PSD3: variants seen among roughly 807,000 people sequenced by gnomAD.
PSD3 encodes the protein pleckstrin and Sec7 domain containing 3.
In PSD3, 49 loss-of-function variants were observed where a neutral mutation model predicts 105.5. That is an observed-to-expected ratio of 0.46 (90% CI 0.37 to 0.59). The LOEUF (loss-of-function observed/expected upper bound fraction) is 0.59, where lower values mean the gene tolerates loss of function less well. Among genes scored for constraint, PSD3 ranks in the 20% least tolerant of loss-of-function variants. The pLI is 0.00. For synonymous variants in PSD3, 557 were observed against 457.8 expected (o/e 1.22, Z -2.77); for missense variants, 1,561 against 1,263.8 (o/e 1.24, Z -3.57).
chr8:18,785,548 G>T (rs943076143), intron 8 of PSD3, among the ~76,000 whole-genome samples: 1 of 152,172 alleles, frequency 6.6e-6, no homozygotes, highest in Non-Finnish European at 1.5e-5. Context: ...AACTTGCTCT[G>T]TATCAGTAAT....
At chr8:18,860,481 T>A (rs1055011069) in intron 4 of PSD3, among the ~76,000 whole-genome samples, 4 of 151,986 alleles carry the variant, frequency 2.6e-5, no homozygotes, top group African/African-American at 9.7e-5. Flanking sequence ...CAGAGTATCT[T>A]CAAAGAGCAA....
At chr8:18,917,754 A>T (rs1820719289) in intron 2 of PSD3, among the ~76,000 whole-genome samples, 2 of 152,162 alleles carry the variant, frequency 1.3e-5, no homozygotes, top group Admixed American at 1.3e-4. Flanking sequence ...AAGCAAACAC[A>T]TCAGAAGATG....
intron 9 of PSD3, among the ~76,000 whole-genome samples, chr8:18,697,559 A>C (rs1040800726): frequency 6.6e-6 from 1 of 152,218 alleles, no homozygotes; most frequent in South Asian, 2.1e-4. Flanking sequence ...GGAACATTTT[A>C]TATTCTAGAA....
chr8:18,997,009 G>A (rs574700046), intron 1 of PSD3, among the ~76,000 whole-genome samples: 1 of 151,852 alleles, frequency 6.6e-6, no homozygotes, highest in South Asian at 2.1e-4. Flanking sequence ...CCCCTCATTC[G>A]CTGCTTTCCT....
At chr8:18,882,945 C>T (rs1397304033) in intron 2 of PSD3, among the ~76,000 whole-genome samples, 1 of 151,968 alleles carries the variant, frequency 6.6e-6, no homozygotes, top group African/African-American at 2.4e-5. Flanking sequence ...ATTTCTGTAT[C>T]TGTCTATACA....
chr8:18,883,156 C>T (rs947229221), intron 2 of PSD3, among the ~76,000 whole-genome samples: 6 of 152,104 alleles, frequency 3.9e-5, no homozygotes, highest in Non-Finnish European at 8.8e-5. Flanking sequence ...TTTGTATACA[C>T]GTTACAGGAT....
chr8:18,885,196 C>T (rs541838295), intron 2 of PSD3, among the ~76,000 whole-genome samples: 6 of 152,262 alleles, frequency 3.9e-5, no homozygotes, highest in South Asian at 4.1e-4. Flanking sequence ...TTCATCCATT[C>T]TGTCCACTTT....
chr8:19,052,952 C>T (rs926531199), intron 1 of PSD3, among the ~76,000 whole-genome samples: 1 of 152,124 alleles, frequency 6.6e-6, no homozygotes, highest in Admixed American at 6.5e-5. Context: ...CTGACAATGA[C>T]AAATTCCCCA....
chr8:18,773,944 C>T (rs1039430181), intron 8 of PSD3, among the ~76,000 whole-genome samples: 1 of 152,150 alleles, frequency 6.6e-6, no homozygotes, highest in African/African-American at 2.4e-5. Flanking sequence ...TTCACTTGAA[C>T]TTATTTTGTT....
chr8:18,621,028 T>A (rs1806076026), intron 11 of PSD3, among the ~76,000 whole-genome samples: 1 of 152,214 alleles, frequency 6.6e-6, no homozygotes, highest in African/African-American at 2.4e-5. Flanking sequence ...AACATTCCTC[T>A]TTCAGAAAAA....
At chr8:18,866,518 T>C (rs923626330) in intron 4 of PSD3, among the ~76,000 whole-genome samples, 6 of 152,310 alleles carry the variant, frequency 3.9e-5, no homozygotes, top group South Asian at 2.1e-4. Flanking sequence ...AGAACGTAAG[T>C]GGCTTGCCCA....
intron 2 of PSD3, among the ~76,000 whole-genome samples, chr8:18,915,609 C>G (rs1264560692): frequency 6.6e-6 from 1 of 152,142 alleles, no homozygotes; most frequent in Non-Finnish European, 1.5e-5. Flanking sequence ...AAATGGCCAA[C>G]AGATATATTT....
intron 11 of PSD3, among the ~76,000 whole-genome samples, chr8:18,621,154 T>A (rs1806084112): frequency 6.6e-6 from 1 of 152,146 alleles, no homozygotes; most frequent in Non-Finnish European, 1.5e-5. Context: ...ACGCCTGCAA[T>A]CCCAGCACTT....
rs376089434 is a variant in PSD3, at chr8:19,072,341, C to T, written c.324+11865G>A. On this transcript the variant is annotated intron_variant, in intron 1 of 1. Coordinates refer to the PSD3 transcript ENST00000521475. ...AGCTCACGTGATCCGCCCACCTCGG[C>T]CTCCCAAAGTGCTGGGATTATAGGA... Among the ~76,000 whole-genome samples, 15 of 152,252 alleles carry T rather than the reference C, an allele frequency of 9.9e-5. No individual in the cohort carries two copies. In the South Asian group the frequency reaches 3.1e-3, roughly 32 times the overall value.
At chr8:18,575,035 A>C in intron 13 of PSD3, 93 bp downstream of exon 13, 1 of 1,342,414 alleles carries the variant, frequency 7.4e-7, no homozygotes, top group East Asian at 2.6e-5. Flanking sequence ...CAACTCAAAA[A>C]ATTTCCCCTG....
At chr8:18,935,962 G>A (rs1487106868) in intron 2 of PSD3, 72 bp downstream of exon 2, 5 of 927,960 alleles carry the variant, frequency 5.4e-6, no homozygotes, top group Non-Finnish European at 8.5e-6. Context: ...TAATGCAGGT[G>A]GAGAAAAATC....
At chr8:18,678,348 C>G (rs921932058) in intron 9 of PSD3, among the ~76,000 whole-genome samples, 1 of 152,128 alleles carries the variant, frequency 6.6e-6, no homozygotes. Flanking sequence ...CATGAACAAA[C>G]CAAAGGCCAA....
Position 18,936,031 on chromosome 8 carries a change from T to TA in PSD3, c.130+2dup. On this transcript the variant is annotated splice_region_variant and intron_variant, in intron 2 of 15. Transcript: ENST00000327040. ...TGGGAGAGGGATATGAGGAAATACT[T>TA]ACTAGTATCTGGAGCTTTCCCTTCA... 1.9e-6 allele frequency: 3 copies of TA among 1,584,672 alleles called. No homozygotes were observed. The highest frequency in any genetic ancestry group is 2.6e-6 in the Non-Finnish European group (3 of 1,154,120).
At chr8:18,803,901 T>G (rs757187451) in intron 6 of PSD3, among the ~76,000 whole-genome samples, 3 of 152,106 alleles carry the variant, frequency 2.0e-5, no homozygotes, top group Admixed American at 6.5e-5. Flanking sequence ...TGCCACTCAT[T>G]GTATACCTAA....
Sources: gnomAD v4.1 joint callset for allele counts (sites outside exome capture counted in the v4.1 genomes callset) on GRCh38, gnomAD v4.1.1 for gene constraint, MANE v1.5 for transcripts, NCBI Gene and HGNC (gene_info 2026-07-23, HGNC 2026-07-21) for gene names.